The following PCDH7 variants were observed in gnomAD, a reference collection of about 807,000 sequenced individuals.
PCDH7 encodes protocadherin-7.
In PCDH7, 17 loss-of-function variants were observed where a neutral mutation model predicts 58.9. That is an observed-to-expected ratio of 0.29 (90% confidence interval 0.20 to 0.43). The LOEUF is 0.43. Ranked by LOEUF, PCDH7 falls within the 20% of genes least tolerant of loss-of-function variation. The pLI is 1.00. For missense variants in PCDH7, 1,274 were observed against 1,441.0 expected, an observed-to-expected ratio of 0.88 and a Z score of 1.88; for synonymous variants, 664 against 616.4, an observed-to-expected ratio of 1.08 and a Z score of -1.14.
intron 2 of PCDH7, among the ~76,000 whole-genome samples, chr4:30,926,698 A>G (rs1422556278): frequency 6.6e-6 from 1 of 152,164 alleles, no homozygotes; most frequent in Admixed American, 6.5e-5. Context: ...AAATGAGGGG[A>G]AGGAAGTCTT....
chr4:31,000,819 G>A (rs1426632373), intron 3 of PCDH7, among the ~76,000 whole-genome samples: 2 of 152,002 alleles, frequency 1.3e-5, no homozygotes, highest in African/African-American at 4.8e-5. Context: ...CTAAATGGTG[G>A]CTCTTACAGC....
intron 3 of PCDH7, among the ~76,000 whole-genome samples, chr4:31,004,276 C>G (rs533132930): frequency 2.0e-5 from 3 of 152,146 alleles, no homozygotes; most frequent in South Asian, 4.2e-4. Flanking sequence ...AATACGAAAC[C>G]GAGCCCCGGC....
At chr4:31,051,834 G>A (rs1442518907) in intron 3 of PCDH7, among the ~76,000 whole-genome samples, 1 of 119,448 alleles carries the variant, frequency 8.4e-6, no homozygotes, top group Non-Finnish European at 1.6e-5. Flanking sequence ...GGGTGTGTGT[G>A]GGGGGCGGGT....
chr4:30,818,156 C>T (rs1727925950), intron 1 of PCDH7, among the ~76,000 whole-genome samples: 1 of 152,168 alleles, frequency 6.6e-6, no homozygotes, highest in South Asian at 2.1e-4. Context: ...CAGTGAGCTC[C>T]TTCAGATCAC....
chr4:30,889,659 G>A (rs1259217018), intron 1 of PCDH7, among the ~76,000 whole-genome samples: 3 of 152,138 alleles, frequency 2.0e-5, no homozygotes, highest in African/African-American at 7.2e-5. Context: ...TTCCATGTCT[G>A]TTGAGGACCT....
intron 1 of PCDH7, among the ~76,000 whole-genome samples, chr4:30,843,077 T>TA (rs57089463): frequency 2.8e-4 from 43 of 152,018 alleles, no homozygotes; most frequent in African/African-American, 1.0e-3. Context: ...TTTTTTTTTT[T>TA]ATAATTTGAG....
chr4:30,828,411 C>T (rs1040209340), intron 1 of PCDH7, among the ~76,000 whole-genome samples: 1 of 152,030 alleles, frequency 6.6e-6, no homozygotes, highest in Non-Finnish European at 1.5e-5. Context: ...TTCTCTACTT[C>T]CAGTGTCAAC....
At chr4:31,069,689 A>G (rs979599832) in intron 3 of PCDH7, among the ~76,000 whole-genome samples, 1 of 152,058 alleles carries the variant, frequency 6.6e-6, no homozygotes, top group African/African-American at 2.4e-5. Context: ...AAGCCTATCT[A>G]TGAATGAAAT....
chr4:30,938,505 C>T (rs111291140), intron 2 of PCDH7, among the ~76,000 whole-genome samples: 10 of 151,632 alleles, frequency 6.6e-5, no homozygotes, highest in Middle Eastern at 3.4e-3. Context: ...CACACACACA[C>T]GCACACACTC....
chr4:30,884,118 G>A (rs1009173758), intron 1 of PCDH7, among the ~76,000 whole-genome samples: 1 of 151,994 alleles, frequency 6.6e-6, no homozygotes, highest in African/African-American at 2.4e-5. Context: ...TAAATACCAT[G>A]ACCAATAATT....
At chr4:31,055,203 A>G in intron 3 of PCDH7, among the ~76,000 whole-genome samples, 1 of 152,138 alleles carries the variant, frequency 6.6e-6, no homozygotes, top group Non-Finnish European at 1.5e-5. Flanking sequence ...TGTTGTATTT[A>G]TATAACCTCC....
downstream of PCDH7, chr4:31,144,612 A>G (rs1291825007): frequency 6.6e-6 from 1 of 152,188 alleles, no homozygotes; most frequent in African/African-American, 2.4e-5. Context: ...AATTTCTTAG[A>G]CTATAAAGTG....
At chr4:31,040,847 C>T (rs971911160) in intron 3 of PCDH7, among the ~76,000 whole-genome samples, 1 of 152,046 alleles carries the variant, frequency 6.6e-6, no homozygotes, top group Non-Finnish European at 1.5e-5. Context: ...AAAGCTAAAT[C>T]ATCTGCCAGT....
intron 3 of PCDH7, among the ~76,000 whole-genome samples, chr4:31,010,950 C>G (rs1228594594): frequency 6.6e-6 from 1 of 151,822 alleles, no homozygotes; most frequent in Non-Finnish European, 1.5e-5. Context: ...AAAATAAATG[C>G]CAGCCTCCTT....
chr4:31,021,686 C>A (rs1578581387), intron 3 of PCDH7, among the ~76,000 whole-genome samples: 1 of 152,012 alleles, frequency 6.6e-6, no homozygotes, highest in Non-Finnish European at 1.5e-5. Flanking sequence ...AAGTGCAGCA[C>A]CAATACTTTT....
intron 3 of PCDH7, among the ~76,000 whole-genome samples, chr4:31,026,454 G>A (rs1485712702): frequency 2.0e-5 from 3 of 152,204 alleles, no homozygotes; most frequent in African/African-American, 4.8e-5. Flanking sequence ...GTTACAACAC[G>A]TGTTCGTAGT....
At chr4:31,131,831 CTG>C (rs1257937204) in intron 3 of PCDH7, among the ~76,000 whole-genome samples, 1 of 152,094 alleles carries the variant, frequency 6.6e-6, no homozygotes, top group Non-Finnish European at 1.5e-5. Flanking sequence ...ATTAGAATAA[CTG>C]TATAGTTTCT....
chr4:31,012,003 A>C (rs1753225939), intron 3 of PCDH7, among the ~76,000 whole-genome samples: 1 of 152,088 alleles, frequency 6.6e-6, no homozygotes, highest in Admixed American at 6.6e-5. Flanking sequence ...CATACCCTAT[A>C]TTTTATTCAG....
At chr4:30,744,135 C>T (rs1323840213) in intron 1 of PCDH7, among the ~76,000 whole-genome samples, 2 of 152,114 alleles carry the variant, frequency 1.3e-5, no homozygotes, top group African/African-American at 4.8e-5. Context: ...AAGCTGTTTT[C>T]TCACTGTCTC....
Sources: allele counts gnomAD v4.1 joint callset (sites outside exome capture counted in the v4.1 genomes callset), GRCh38; gene constraint gnomAD v4.1.1; transcripts MANE v1.5; gene names NCBI Gene and HGNC (gene_info 2026-07-23, HGNC 2026-07-21).